TBC1D20: variants seen among roughly 807,000 people sequenced by gnomAD.
The protein encoded by TBC1D20 is TBC1 domain family member 20, also known as chromosome 20 open reading frame 140.
Under a neutral mutation model 41.6 loss-of-function variants are expected in TBC1D20, and 12 were observed. That is an observed-to-expected ratio of 0.29 (90% confidence interval 0.18 to 0.47). TBC1D20 has a LOEUF of 0.47. Among genes scored for constraint, TBC1D20 ranks in the 20% least tolerant of loss-of-function variants. The pLI, the probability that TBC1D20 is intolerant of heterozygous loss-of-function variation, is 1.00. For synonymous variants in TBC1D20, 205 were observed against 204.8 expected, an observed-to-expected ratio of 1.00 and a Z score of -0.01; for missense variants, 421 against 517.4, an observed-to-expected ratio of 0.81 and a Z score of 1.81.
chr20:445,602 A>T (rs906779074), intron 2 of TBC1D20, among the ~76,000 whole-genome samples: 1 of 152,250 alleles, frequency 6.6e-6, no homozygotes, highest in African/African-American at 2.4e-5. Context: ...AGACTCACAT[A>T]AAGAACCACC....
At chr20:447,659 A>G (rs76510893) in intron 2 of TBC1D20, among the ~76,000 whole-genome samples, 1 of 152,166 alleles carries the variant, frequency 6.6e-6, no homozygotes, top group Admixed American at 6.5e-5. Flanking sequence ...CTCCGTCTCA[A>G]AAATAAATAA....
intron 1 of TBC1D20, among the ~76,000 whole-genome samples, chr20:449,481 G>C (rs571716143): frequency 1.3e-4 from 16 of 123,206 alleles, no homozygotes; most frequent in Non-Finnish European, 2.5e-4. Flanking sequence ...TGTAATCCCA[G>C]CTACTCGGGA....
intron 1 of TBC1D20, among the ~76,000 whole-genome samples, chr20:451,996 T>C (rs889043260): frequency 1.3e-5 from 2 of 152,184 alleles, no homozygotes; most frequent in African/African-American, 4.8e-5. Context: ...GATGATACTC[T>C]GCTTTAAATG....
At position 439,573 on chromosome 20, in the gene TBC1D20, C is replaced by A. The variant is rs2017187260; in HGVS notation, c.769-278G>T. Among the ~76,000 whole-genome samples the A allele has an allele frequency of 6.6e-6, 1 of 152,142 alleles. No homozygotes were observed. The highest frequency in any genetic ancestry group is 2.1e-4 in the South Asian group (1 of 4,822). On this transcript the variant is annotated intron_variant, in intron 6 of 7. Transcript: ENST00000354200. This position sits in a 1 kb window ranked among gnomAD's most constrained non-coding sequence, Gnocchi z 4.6. ...GGGCATGCTGGGCTGCTCAGGTGTC[C>A]CTTTAAGTCTTGAAAGAAATGAAGG...
chr20:449,517 AC>A (rs1213579225), intron 1 of TBC1D20, among the ~76,000 whole-genome samples: 3 of 137,030 alleles, frequency 2.2e-5, no homozygotes, highest in Non-Finnish European at 4.7e-5. Flanking sequence ...GTCGCTTGAA[AC>A]CCAGGAGGCT....
At position 436,530 on chromosome 20, in the gene TBC1D20, G is replaced by C. The variant is rs2017121181; in HGVS notation, c.*2056C>G. On this transcript the variant is annotated 3_prime_UTR_variant, in exon 8 of 8. Transcript: ENST00000354200. The stretch of plus-strand genomic sequence containing the variant: ...TGTGGCCTTGGGACCCTGGTCACAT[G>C]CACCTCCTTTCCTCAACCCCATCAA... 1 of 153,700 alleles carries C rather than the reference G, an allele frequency of 6.5e-6. No individual in the cohort carries two copies. The highest frequency in any genetic ancestry group is 6.5e-5 in the Admixed American group (1 of 15,272). The allele number at this position is 153,700 out of a possible 1,614,324, so 9.5% of individuals were successfully genotyped here.
In TBC1D20 at chr20:441,424, G is replaced by A. The variant is rs1451993690; in HGVS notation, c.626+164C>T. On this transcript the variant is annotated intron_variant, in intron 5 of 7. Coordinates refer to ENST00000354200, the MANE Select transcript of TBC1D20 (RefSeq NM_144628.4). The stretch of plus-strand genomic sequence containing the variant: ...AGCACAGTCCCCAAAAATGCTCCAA[G>A]AACTGAATTACCCAGATTGCTGGTG... 4.7e-6 allele frequency: 3 copies of A among 631,580 alleles called. No homozygotes were observed. In the African/African-American group the frequency reaches 5.5e-5, roughly 12 times the overall value. 39.1% of individuals were successfully genotyped at this position (631,580 alleles called of 1,614,324 possible). A position where few individuals can be genotyped will look rare whatever the true frequency, so the allele number is the denominator to read the frequency against.
chr20:454,942 G>A lies in TBC1D20; in HGVS notation c.71-6868C>T, dbSNP rs544422976. Among the ~76,000 whole-genome samples, 3 of 152,250 alleles carry A rather than the reference G, an allele frequency of 2.0e-5. No individual in the cohort carries two copies. In the East Asian group the frequency reaches 5.8e-4, roughly 29 times the overall value. ...CTGCCTCAGGCTCCCAAAGTGCTGGGATTATAGGCATGAGCCATCAGGTCT... is the reference window on the plus strand; with the variant it reads ...CTGCCTCAGGCTCCCAAAGTGCTGGAATTATAGGCATGAGCCATCAGGTCT... On this transcript the variant is annotated intron_variant, in intron 1 of 7. Transcript: ENST00000354200.
Position 442,054 on chromosome 20 carries a change from G to C in TBC1D20, c.338-11C>G. 1 of 1,602,886 alleles carries C rather than the reference G, an allele frequency of 6.2e-7. No homozygotes were observed. The highest frequency in any genetic ancestry group is 8.5e-7 in the Non-Finnish European group (1 of 1,172,438). ...GTTCCTCTGGCATGCCTGGGGACAG[G>C]AACAGAGATGCCTTTGAACATACCA... On this transcript the variant is annotated splice_polypyrimidine_tract_variant and intron_variant, in intron 3 of 7. Transcript: ENST00000354200.
In TBC1D20 at chr20:452,304, A is replaced by G. The variant is rs181600754; in HGVS notation, c.71-4230T>C. On this transcript the variant is annotated intron_variant, in intron 1 of 7. Transcript: ENST00000354200. ...CCTGGGCGCGACATAGCGAGACTCCATCTCAAAAACAAACAAACAAAAAAA... is the reference window on the plus strand; with the variant it reads ...CCTGGGCGCGACATAGCGAGACTCCGTCTCAAAAACAAACAAACAAAAAAA... Among the ~76,000 whole-genome samples the G allele has an allele frequency of 7.9e-5, 12 of 152,262 alleles. No homozygotes were observed. In the East Asian group the frequency reaches 2.3e-3, roughly 29 times the overall value.
At chr20:462,066 C>T (rs2017641269) in intron 1 of TBC1D20, among the ~76,000 whole-genome samples, 1 of 152,186 alleles carries the variant, frequency 6.6e-6, no homozygotes, top group African/African-American at 2.4e-5. Context: ...AGCCGGGGCG[C>T]GAAGCCGCCG....
At chr20:450,753 C>T (rs747643081) in intron 1 of TBC1D20, 5 of 152,204 alleles carry the variant, frequency 3.3e-5, no homozygotes, top group Non-Finnish European at 4.4e-5. Context: ...CTTCACTTGA[C>T]TAGCCTTCAA....
Position 436,159 on chromosome 20 carries a change from C to T in TBC1D20, c.*2427G>A, listed in dbSNP as rs1195308325. The T allele has an allele frequency of 6.6e-6, 1 of 152,208 alleles. No individual in the cohort carries two copies. Among genetic ancestry groups the T allele is most frequent in the East Asian group, 1.9e-4 (1 of 5,198 alleles). The allele number at this position is 152,208 out of a possible 1,614,324, so 9.4% of individuals were successfully genotyped here. A position where few individuals can be genotyped will look rare whatever the true frequency, so the allele number is the denominator to read the frequency against. On this transcript the variant is annotated 3_prime_UTR_variant, in exon 8 of 8. Transcript: ENST00000354200. ...TACTGCCCAAGGTCTCCTAGCCAGT[C>T]AAGGCTGACCAGGAGTCCACAGACC...
Position 436,787 on chromosome 20 carries a change from A to G in TBC1D20, c.*1799T>C, listed in dbSNP as rs1448265665. On this transcript the variant is annotated 3_prime_UTR_variant, in exon 8 of 8. Transcript: ENST00000354200. ...TGGGGCTCCTGAGCCATGGACAATG[A>G]TCCATCCCTTTGAGCTTTTTTTGGT... The G allele has an allele frequency of 6.5e-6, 1 of 153,814 alleles. No homozygotes were observed. Among genetic ancestry groups the G allele is most frequent in the African/African-American group, 2.4e-5 (1 of 41,446 alleles). The allele number at this position is 153,814 out of a possible 1,614,324, so 9.5% of individuals were successfully genotyped here.
intron 1 of TBC1D20, chr20:450,701 T>C (rs1332622045): frequency 6.6e-6 from 1 of 152,252 alleles, no homozygotes; most frequent in Non-Finnish European, 1.5e-5. Context: ...ACTCATTGAT[T>C]ACAATCAGTT....
chr20:448,689 G>GAAA (rs557901716), intron 1 of TBC1D20, among the ~76,000 whole-genome samples: 1 of 98,384 alleles, frequency 1.0e-5, no homozygotes, highest in Non-Finnish European at 2.1e-5. Context: ...ACTCCGTCTT[G>GAAA]AAAAAAAAAA....
chr20:441,510 G>A, intron 5 of TBC1D20, 78 bp downstream of exon 5: 1 of 1,277,380 alleles, frequency 7.8e-7, no homozygotes, highest in Non-Finnish European at 1.1e-6. Context: ...ACTGCGCTCG[G>A]CTTGTGAGGA....
In TBC1D20 at chr20:454,650, CATT is replaced by C. The variant is rs11471553; in HGVS notation, c.71-6579_71-6577del. Among the ~76,000 whole-genome samples, 50 of 149,568 alleles carry C rather than the reference CATT, an allele frequency of 3.3e-4. 1 individual carries two copies. The highest frequency in any genetic ancestry group is 3.5e-3 in the Middle Eastern group (1 of 284). On this transcript the variant is annotated intron_variant, in intron 1 of 7. Coordinates refer to ENST00000354200, the MANE Select transcript of TBC1D20 (RefSeq NM_144628.4). Reference sequence around the variant, plus strand: ...AAACTGTTTCTATGACAAAGCTGTACATTATTATTATTATTATTATTATTTTAT... The same window carrying C: ...AAACTGTTTCTATGACAAAGCTGTACATTATTATTATTATTATTATTTTAT...
chr20:441,988 G>A lies in TBC1D20; in HGVS notation c.393C>T (p.Leu131=). The A allele has an allele frequency of 1.2e-6, 2 of 1,614,106 alleles. No individual in the cohort carries two copies. Among genetic ancestry groups the A allele is most frequent in the Non-Finnish European group, 1.7e-6 (2 of 1,180,012 alleles). ...GLQEELIDII[L]LILERNPQLH... is the part of the protein sequence containing the mutation. ...GCTGAGGGTTGCGCTCCAAGATGAG[G>A]AGGATGATGTCAATCAGTTCTTCCT... Residue 131 remains leucine, a synonymous_variant, in exon 4 of 8, where the codon CTC becomes CTT. Transcript: ENST00000354200.
Sources: gnomAD v4.1 joint callset for allele counts (sites outside exome capture counted in the v4.1 genomes callset) on GRCh38, gnomAD v4.1.1 for gene constraint, Gnocchi (gnomAD v3.1) non-coding constraint, MANE v1.5 for transcripts, NCBI Gene and HGNC (gene_info 2026-07-23, HGNC 2026-07-21) for gene names.